Variants in ARHGAP26 observed in about 807,000 individuals in gnomAD.
ARHGAP26 encodes Rho GTPase activating protein 26.
Under a neutral mutation model 104.8 loss-of-function variants are expected in ARHGAP26, and 38 were observed. The ratio of observed to expected loss-of-function variants is 0.36; its 90% CI spans 0.28 to 0.48. ARHGAP26 has a LOEUF of 0.48. ARHGAP26 is among the 20% of genes least tolerant of loss of function. The pLI, the probability that ARHGAP26 is intolerant of heterozygous loss-of-function variation, is 0.99. For missense variants in ARHGAP26, 704 were observed against 947.9 expected (o/e 0.74, Z 3.38); for synonymous variants, 341 against 340.0 (o/e 1.00, Z -0.03).
At chr5:143,132,098 A>G (rs1196029061) in intron 18 of ARHGAP26, among the ~76,000 whole-genome samples, 1 of 151,818 alleles carries the variant, frequency 6.6e-6, no homozygotes, top group Non-Finnish European at 1.5e-5. Flanking sequence ...GATTCAGTTT[A>G]TCTTGTTGAA....
Position 143,223,454 on chromosome 5 carries a change from G to A in ARHGAP26, c.*1008G>A. On this transcript the variant is annotated 3_prime_UTR_variant, in exon 23 of 23. Transcript: ENST00000645722. ...ATTTCTGTTCCTCCATGCAACTGAT[G>A]TTTGTTTTTTAAAGGGTAAGATGCT... The A allele has an allele frequency of 4.3e-6, 1 of 231,586 alleles. No individual in the cohort carries two copies. The highest frequency in any genetic ancestry group is 2.2e-5 in the African/African-American group (1 of 45,368). 14.3% of individuals were successfully genotyped at this position (231,586 alleles called of 1,614,324 possible).
chr5:142,944,143 A>T (rs905274405), intron 11 of ARHGAP26, among the ~76,000 whole-genome samples: 1 of 152,188 alleles, frequency 6.6e-6, no homozygotes, highest in African/African-American at 2.4e-5. Context: ...CCCTCTCTAG[A>T]GTTAAAAGTG....
At chr5:142,906,912 A>G (rs1286717536) in intron 8 of ARHGAP26, among the ~76,000 whole-genome samples, 2 of 152,108 alleles carry the variant, frequency 1.3e-5, no homozygotes, top group Non-Finnish European at 1.5e-5. Flanking sequence ...TGTGATCTCC[A>G]TAAGCACCTA....
intron 12 of ARHGAP26, 92 bp from the exon 13 acceptor site, chr5:143,037,104 C>A: frequency 1.2e-6 from 1 of 837,688 alleles, no homozygotes. Flanking sequence ...GTGACCACAG[C>A]ATGCGATTGA....
chr5:142,910,041 T>A (rs1761623407), intron 9 of ARHGAP26, among the ~76,000 whole-genome samples: 1 of 152,196 alleles, frequency 6.6e-6, no homozygotes, highest in East Asian at 1.9e-4. Flanking sequence ...TATATAAAAA[T>A]TTTTTGGAAC....
intron 17 of ARHGAP26, among the ~76,000 whole-genome samples, chr5:143,087,087 C>A (rs1430195073): frequency 6.6e-6 from 1 of 152,204 alleles, no homozygotes; most frequent in Admixed American, 6.5e-5. Flanking sequence ...TTATCAGGGG[C>A]CTCAAATATA....
rs1472191654 is a variant in ARHGAP26, at chr5:143,181,506, C to T, written c.1989-25692C>T. 2.0e-5 allele frequency among the ~76,000 whole-genome samples: 3 copies of T among 152,198 alleles called. No individual in the cohort carries two copies. The South Asian group carries it at 6.2e-4, about 32-fold the overall frequency. On this transcript the variant is annotated intron_variant, in intron 20 of 22. Transcript: ENST00000645722. ...CTCTCGCGTGTTAGGGAAGCATCAT[C>T]CCCAGTGGGGCACTTATCAGTGTGT...
chr5:142,869,213 T>TC (rs1561985247), intron 1 of ARHGAP26, among the ~76,000 whole-genome samples: 17 of 149,018 alleles, frequency 1.1e-4, no homozygotes, highest in African/African-American at 3.9e-4. Flanking sequence ...TTTTTCTTTT[T>TC]TTTTTTTTTT....
At chr5:142,902,466 C>G (rs112751519) in intron 7 of ARHGAP26, among the ~76,000 whole-genome samples, 2,261 of 152,300 alleles carry the variant, frequency 0.015, 64 homozygotes, top group African/African-American at 0.052. Context: ...AGGATGTTCT[C>G]TTGTCCAACT....
intron 5 of ARHGAP26, among the ~76,000 whole-genome samples, chr5:142,887,437 A>G (rs1757872468): frequency 6.6e-6 from 1 of 152,246 alleles, no homozygotes; most frequent in South Asian, 2.1e-4. Context: ...CTGCTCAAGT[A>G]TGAAGTATAT....
At chr5:142,937,763 T>A (rs1245681793) in intron 11 of ARHGAP26, among the ~76,000 whole-genome samples, 5 of 151,884 alleles carry the variant, frequency 3.3e-5, no homozygotes, top group Admixed American at 3.3e-4. Context: ...CTTAGGAGCA[T>A]TATGCTAAAT....
rs1428489026 is a variant in ARHGAP26, at chr5:143,225,184, T to A, written c.*2738T>A. 9 of 202,202 alleles carry A rather than the reference T, an allele frequency of 4.5e-5. No individual in the cohort carries two copies. The East Asian group carries it at 6.8e-4, about 15-fold the overall frequency. The allele number at this position is 202,202 out of a possible 1,614,324, so 12.5% of individuals were successfully genotyped here. A position where few individuals can be genotyped will look rare whatever the true frequency, so the allele number is the denominator to read the frequency against. The stretch of plus-strand genomic sequence containing the variant: ...TTAACACATTTGATGAGGTTTTTTA[T>A]TTGTGTTTTTGTTTGTTTTTTGAGA... On this transcript the variant is annotated 3_prime_UTR_variant, in exon 23 of 23. Transcript: ENST00000645722.
chr5:143,128,210 C>T (rs991951890), intron 18 of ARHGAP26, among the ~76,000 whole-genome samples: 11 of 152,158 alleles, frequency 7.2e-5, no homozygotes, highest in African/African-American at 2.4e-4. Context: ...CCCAATAAAT[C>T]CCAGATAAAC....
intron 11 of ARHGAP26, among the ~76,000 whole-genome samples, chr5:142,952,467 C>G (rs1022375930): frequency 6.6e-6 from 1 of 152,088 alleles, no homozygotes. Flanking sequence ...CCTCAACATC[C>G]TATGTACCGT....
intron 17 of ARHGAP26, among the ~76,000 whole-genome samples, chr5:143,068,879 TG>T (rs1787879986): frequency 6.6e-6 from 1 of 152,236 alleles, no homozygotes; most frequent in African/African-American, 2.4e-5. Flanking sequence ...GATGACCTCA[TG>T]TTGCTGAATC....
intron 11 of ARHGAP26, among the ~76,000 whole-genome samples, chr5:142,957,502 C>T (rs186633509): frequency 6.6e-5 from 10 of 152,288 alleles, no homozygotes; most frequent in Admixed American, 3.3e-4. Context: ...CTTTGTGGCT[C>T]GTCTTTGTAC....
intron 1 of ARHGAP26, among the ~76,000 whole-genome samples, chr5:142,774,774 C>A (rs988518364): frequency 2.6e-5 from 4 of 152,150 alleles, no homozygotes; most frequent in Non-Finnish European, 4.4e-5. Context: ...AACCACTAAT[C>A]TTTTTACTGT....
intron 20 of ARHGAP26, among the ~76,000 whole-genome samples, chr5:143,187,110 C>T (rs1032233865): frequency 2.0e-5 from 3 of 152,066 alleles, no homozygotes; most frequent in South Asian, 2.1e-4. Flanking sequence ...TATCACCAAT[C>T]CTATGAGGTG....
intron 8 of ARHGAP26, among the ~76,000 whole-genome samples, 156 bp downstream of exon 8, chr5:142,903,825 A>G (rs142569655): frequency 1.3e-5 from 2 of 152,324 alleles, no homozygotes; most frequent in African/African-American, 4.8e-5. Flanking sequence ...GATGATGTCC[A>G]CAGAATCTTG....
Sources: gnomAD v4.1 joint callset for allele counts (sites outside exome capture counted in the v4.1 genomes callset) on GRCh38, gnomAD v4.1.1 for gene constraint, MANE v1.5 for transcripts, NCBI Gene and HGNC (gene_info 2026-07-23, HGNC 2026-07-21) for gene names.